The following DRC11 variants were observed in gnomAD, a reference collection of about 807,000 sequenced individuals.
DRC11 encodes the protein dynein regulatory complex subunit 11.
At chr2:236,464,720 G>A in the DRC11 span, among the ~76,000 whole-genome samples, 4 of 152,102 alleles carry the variant, frequency 2.6e-5, no homozygotes, top group Non-Finnish European at 5.9e-5. Flanking sequence ...GAGCCTGGTG[G>A]GAGGTGTCTG....
At chr2:236,307,922 C>G in the DRC11 span, among the ~76,000 whole-genome samples, 4 of 152,240 alleles carry the variant, frequency 2.6e-5, no homozygotes, top group African/African-American at 7.2e-5. This position sits in a 1 kb window ranked among gnomAD's most constrained non-coding sequence, Gnocchi z 7.0. Flanking sequence ...TGCGGGGGCA[C>G]AAGCATCGTG....
chr2:236,351,315 G>A, the DRC11 span, among the ~76,000 whole-genome samples: 1 of 152,108 alleles, frequency 6.6e-6, no homozygotes, highest in Non-Finnish European at 1.5e-5. This position sits in a 1 kb window ranked among gnomAD's most constrained non-coding sequence, Gnocchi z 7.3. Context: ...TGGGAGAAGT[G>A]GGCGGGTGGG....
chr2:236,431,440 AACTC>A, the DRC11 span, among the ~76,000 whole-genome samples: 3 of 152,182 alleles, frequency 2.0e-5, no homozygotes, highest in Admixed American at 6.5e-5. This position sits in a 1 kb window ranked among gnomAD's most constrained non-coding sequence, Gnocchi z 4.2. Flanking sequence ...ATCTTGTGAG[AACTC>A]ACTCACTGTC....
the DRC11 span, among the ~76,000 whole-genome samples, chr2:236,456,856 T>C: frequency 2.6e-5 from 4 of 152,274 alleles, no homozygotes; most frequent in South Asian, 6.2e-4. The surrounding 1 kb of genome is among the most constrained non-coding windows in gnomAD (Gnocchi z 5.4). Flanking sequence ...GAATTTTCAA[T>C]TGGAAAGATC....
At chr2:236,495,425 G>C in the DRC11 span, among the ~76,000 whole-genome samples, 1 of 152,328 alleles carries the variant, frequency 6.6e-6, no homozygotes, top group African/African-American at 2.4e-5. This position sits in a 1 kb window ranked among gnomAD's most constrained non-coding sequence, Gnocchi z 5.6. Context: ...GATATTGGTT[G>C]CTCCATCTAT....
chr2:236,495,800 C>G, the DRC11 span, among the ~76,000 whole-genome samples: 3 of 152,170 alleles, frequency 2.0e-5, no homozygotes, highest in Non-Finnish European at 4.4e-5. This position sits in a 1 kb window ranked among gnomAD's most constrained non-coding sequence, Gnocchi z 5.6. Context: ...CTAGGAAACA[C>G]TGTTGACCGC....
chr2:236,383,632 C>A, the DRC11 span, among the ~76,000 whole-genome samples: 2 of 142,162 alleles, frequency 1.4e-5, no homozygotes, highest in African/African-American at 2.6e-5. Flanking sequence ...GTTGTGTGGT[C>A]ATTTTTTTTT....
the DRC11 span, among the ~76,000 whole-genome samples, chr2:236,419,467 G>A: frequency 6.6e-6 from 1 of 152,190 alleles, no homozygotes; most frequent in Admixed American, 6.5e-5. The surrounding 1 kb of genome is among the most constrained non-coding windows in gnomAD (Gnocchi z 4.8). Context: ...TCATGAACAG[G>A]GGGCAGCAGC....
the DRC11 span, among the ~76,000 whole-genome samples, chr2:236,361,378 A>G: frequency 6.6e-6 from 1 of 152,214 alleles, no homozygotes; most frequent in Non-Finnish European, 1.5e-5. This position sits in a 1 kb window ranked among gnomAD's most constrained non-coding sequence, Gnocchi z 5.7. Flanking sequence ...AGACAAAGAG[A>G]GTACTAAAAA....
the DRC11 span, among the ~76,000 whole-genome samples, chr2:236,381,526 T>C: frequency 6.6e-6 from 1 of 152,204 alleles, no homozygotes; most frequent in Non-Finnish European, 1.5e-5. The surrounding 1 kb of genome is among the most constrained non-coding windows in gnomAD (Gnocchi z 5.8). Flanking sequence ...TATAAATTAC[T>C]CAGCCTAAGA....
At chr2:236,418,913 T>C in the DRC11 span, among the ~76,000 whole-genome samples, 1 of 152,236 alleles carries the variant, frequency 6.6e-6, no homozygotes, top group Non-Finnish European at 1.5e-5. Context: ...GTGAGGTATC[T>C]GAGTTGTTGA....
At chr2:236,373,630 G>A in the DRC11 span, among the ~76,000 whole-genome samples, 1 of 152,080 alleles carries the variant, frequency 6.6e-6, no homozygotes, top group Non-Finnish European at 1.5e-5. Flanking sequence ...GGAAGTTAAT[G>A]TTTTCTTATT....
At chr2:236,357,000 TTATA>T in the DRC11 span, among the ~76,000 whole-genome samples, 1,038 of 67,820 alleles carry the variant, frequency 0.015, 73 homozygotes, top group Middle Eastern at 0.032. Flanking sequence ...ATCTATATAT[TTATA>T]TATTCATATA....
the DRC11 span, among the ~76,000 whole-genome samples, chr2:236,483,815 T>C: frequency 1.3e-5 from 2 of 152,214 alleles, no homozygotes; most frequent in African/African-American, 2.4e-5. This position sits in a 1 kb window ranked among gnomAD's most constrained non-coding sequence, Gnocchi z 4.8. Flanking sequence ...TTGAACTAAA[T>C]TATATTTTAG....
At chr2:236,468,932 T>C in the DRC11 span, among the ~76,000 whole-genome samples, 8 of 152,252 alleles carry the variant, frequency 5.3e-5, no homozygotes, top group African/African-American at 1.9e-4. Context: ...ATTTCCTTCA[T>C]AGATGTTTAC....
At chr2:236,377,282 C>A in the DRC11 span, 1 of 693,552 alleles carries the variant, frequency 1.4e-6, no homozygotes, top group Non-Finnish European at 2.5e-6. The surrounding 1 kb of genome is among the most constrained non-coding windows in gnomAD (Gnocchi z 4.9). Flanking sequence ...TAAACCAGAT[C>A]TATTTCAAAG....
At chr2:236,408,450 G>A in the DRC11 span, 3 of 740,848 alleles carry the variant, frequency 4.0e-6, no homozygotes, top group African/African-American at 5.2e-5. This position sits in a 1 kb window ranked among gnomAD's most constrained non-coding sequence, Gnocchi z 5.5. Context: ...CAAACACTTG[G>A]TTCACAGGTA....
the DRC11 span, among the ~76,000 whole-genome samples, chr2:236,440,232 C>G: frequency 7.2e-5 from 11 of 152,096 alleles, no homozygotes; most frequent in African/African-American, 2.4e-4. Flanking sequence ...AGAAAGGTGT[C>G]CATGTGAAGT....
the DRC11 span, chr2:236,392,245 T>G: frequency 6.4e-6 from 10 of 1,572,874 alleles, no homozygotes; most frequent in African/African-American, 1.1e-4. The surrounding 1 kb of genome is among the most constrained non-coding windows in gnomAD (Gnocchi z 5.1). Flanking sequence ...TAGCTGTACC[T>G]GTATCCTGAT....
Sources: gnomAD v4.1 joint callset for allele counts (sites outside exome capture counted in the v4.1 genomes callset) on GRCh38, gnomAD v4.1.1 for gene constraint, Gnocchi (gnomAD v3.1) non-coding constraint, MANE v1.5 for transcripts, NCBI Gene and HGNC (gene_info 2026-07-23, HGNC 2026-07-21) for gene names.